The following NUDCD1 variants were observed in gnomAD, a reference collection of about 807,000 sequenced individuals.
NUDCD1 encodes nudC domain-containing protein 1.
Under a neutral mutation model 67.8 loss-of-function variants are expected in NUDCD1, and 60 were observed. That is an observed-to-expected ratio of 0.88 (90% confidence interval 0.72 to 1.10). The LOEUF is 1.10. NUDCD1 is among the 50% of genes least tolerant of loss of function. The probability of loss-of-function intolerance (pLI) is 0.00; values close to 1 mark genes in which losing one functional copy is unlikely to be tolerated. For synonymous variants in NUDCD1, 244 were observed against 230.8 expected (o/e 1.06, Z -0.52); for missense variants, 643 against 695.0 (o/e 0.93, Z 0.84).
chr8:109,255,684 A>G (rs1172754409), intron 8 of NUDCD1, among the ~76,000 whole-genome samples: 1 of 151,864 alleles, frequency 6.6e-6, no homozygotes, highest in Non-Finnish European at 1.5e-5. Flanking sequence ...CACAGAAAAA[A>G]AAAAAAAAGA....
chr8:109,329,028 G>A (rs894979556), intron 1 of NUDCD1, among the ~76,000 whole-genome samples: 7 of 151,842 alleles, frequency 4.6e-5, no homozygotes, highest in African/African-American at 1.5e-4. Context: ...GTAAGTAGAA[G>A]CAAGAAAGAT....
At chr8:109,262,104 A>G (rs1340021514) in intron 8 of NUDCD1, among the ~76,000 whole-genome samples, 2 of 152,238 alleles carry the variant, frequency 1.3e-5, no homozygotes, top group African/African-American at 2.4e-5. Context: ...AAAGGAATCT[A>G]CCAAGAAAAA....
intron 3 of NUDCD1, among the ~76,000 whole-genome samples, chr8:109,294,241 A>G (rs1404200498): frequency 6.6e-6 from 1 of 152,018 alleles, no homozygotes; most frequent in Non-Finnish European, 1.5e-5. Flanking sequence ...AACAAAAACA[A>G]AAAACAAAAA....
chr8:109,279,505 A>T (rs1450533903), intron 6 of NUDCD1, among the ~76,000 whole-genome samples: 1 of 152,174 alleles, frequency 6.6e-6, no homozygotes, highest in Admixed American at 6.5e-5. Flanking sequence ...TTGGTTTAAG[A>T]TGAATACTGT....
chr8:109,263,602 C>T (rs2926199), intron 8 of NUDCD1, among the ~76,000 whole-genome samples: 54,815 of 151,956 alleles, frequency 0.36, 10,715 homozygotes, highest in South Asian at 0.5. Context: ...CAGTTCTTGA[C>T]GTAACTATTA....
At chr8:109,288,580 ATATT>A in intron 5 of NUDCD1, among the ~76,000 whole-genome samples, 1 of 152,338 alleles carries the variant, frequency 6.6e-6, no homozygotes, top group East Asian at 1.9e-4. Context: ...AGAGGTGCAT[ATATT>A]TATAAACCTG....
chr8:109,278,746 A>G (rs1487409155), intron 6 of NUDCD1, among the ~76,000 whole-genome samples: 1 of 152,274 alleles, frequency 6.6e-6, no homozygotes, highest in Non-Finnish European at 1.5e-5. Context: ...ATTACAGAGT[A>G]ACATTCCATT....
rs139858487 is a variant in NUDCD1, at chr8:109,272,893, A to T, written c.1174-1763T>A. On this transcript the variant is annotated intron_variant, in intron 7 of 9. Transcript: ENST00000239690. Reference sequence around the variant, plus strand: ...AACAATCTCCTGGTTAGTTGATGCCATTGTGCACAGTGACTCAAGGAGATA... The same window carrying T: ...AACAATCTCCTGGTTAGTTGATGCCTTTGTGCACAGTGACTCAAGGAGATA... Among the ~76,000 whole-genome samples, 271 of 152,270 alleles carry T rather than the reference A, an allele frequency of 1.8e-3. 1 individual carries two copies. Among genetic ancestry groups the T allele is most frequent in the African/African-American group, 6.3e-3 (261 of 41,570 alleles).
chr8:109,274,295 C>T (rs536597004), intron 7 of NUDCD1, among the ~76,000 whole-genome samples: 1 of 152,268 alleles, frequency 6.6e-6, no homozygotes, highest in South Asian at 2.1e-4. Flanking sequence ...AACAAACACA[C>T]TGGTGTTCAG....
intron 8 of NUDCD1, among the ~76,000 whole-genome samples, chr8:109,263,358 G>C (rs1322187413): frequency 6.6e-6 from 1 of 152,152 alleles, no homozygotes; most frequent in African/African-American, 2.4e-5. Context: ...CTAAGCTCAA[G>C]TTTTCTCTCC....
chr8:109,242,971 T>C lies in NUDCD1; in HGVS notation c.*38A>G, dbSNP rs1813402167. 2 of 1,393,256 alleles carry C rather than the reference T, an allele frequency of 1.4e-6. No individual in the cohort carries two copies. The highest frequency in any genetic ancestry group is 1.4e-5 in the African/African-American group (1 of 70,300). 86.3% of individuals were successfully genotyped at this position (1,393,256 alleles called of 1,614,324 possible). A position where few individuals can be genotyped will look rare whatever the true frequency, so the allele number is the denominator to read the frequency against. ...GTCCAGACCTCCAGGTACCACTGAA[T>C]ACTTTTCCAGTACAAAGAGGCCAAT... On this transcript the variant is annotated 3_prime_UTR_variant, in exon 10 of 10. Transcript: ENST00000239690.
intron 1 of NUDCD1, among the ~76,000 whole-genome samples, chr8:109,330,459 T>C (rs1460203054): frequency 6.6e-6 from 1 of 152,186 alleles, no homozygotes; most frequent in African/African-American, 2.4e-5. Flanking sequence ...GCGCCTCAAT[T>C]ATGCTTCACT....
In NUDCD1 at chr8:109,293,347, G is replaced by A; in HGVS notation, c.637C>T (p.Gln213Ter). 1 of 1,531,470 alleles carries A rather than the reference G, an allele frequency of 6.5e-7. No homozygotes were observed. The highest frequency in any genetic ancestry group is 1.4e-5 in the African/African-American group (1 of 70,684). The allele number at this position is 1,531,470 out of a possible 1,614,324, so 94.9% of individuals were successfully genotyped here. Residue 213 changes from glutamine (Q) to a stop codon, truncating the protein, a stop_gained, in exon 4 of 10, where the codon CAA (glutamine) becomes TAA (stop). Coordinates refer to ENST00000239690, the MANE Select transcript of NUDCD1 (RefSeq NM_032869.4). LOFTEE classifies it high-confidence loss of function. ...LEWVTISKKN[Q>*]DNKKYEIIKR... ...CAGATTCAGACTTTTGTTTTACCTTGATTTTTCTTACTGATAGTGACCCAC... is the reference window on the plus strand; with the variant it reads ...CAGATTCAGACTTTTGTTTTACCTTAATTTTTCTTACTGATAGTGACCCAC...
intron 4 of NUDCD1, among the ~76,000 whole-genome samples, chr8:109,291,598 TAAAAAG>T (rs143986144): frequency 0.12 from 18,794 of 151,590 alleles, 1,523 homozygotes; most frequent in Middle Eastern, 0.21. Flanking sequence ...TTCTGTTAAC[TAAAAAG>T]AAAAAGAAGA....
chr8:109,303,554 C>G (rs548295488), intron 2 of NUDCD1, among the ~76,000 whole-genome samples: 3 of 152,072 alleles, frequency 2.0e-5, no homozygotes, highest in African/African-American at 4.8e-5. Flanking sequence ...TCACCTGCCC[C>G]GCTCCCTTAT....
intron 7 of NUDCD1, among the ~76,000 whole-genome samples, chr8:109,271,390 G>T (rs1814153910): frequency 6.6e-6 from 1 of 152,154 alleles, no homozygotes; most frequent in Non-Finnish European, 1.5e-5. Context: ...AGAGAGAGAT[G>T]AAAGAACCAC....
chr8:109,243,526 A>G (rs1813424745), intron 9 of NUDCD1, among the ~76,000 whole-genome samples: 5 of 152,184 alleles, frequency 3.3e-5, no homozygotes, highest in Non-Finnish European at 1.5e-5. Flanking sequence ...CAAAACAGAT[A>G]TGGCTTTCTC....
At chr8:109,331,469 T>A (rs1815804106) in intron 1 of NUDCD1, among the ~76,000 whole-genome samples, 1 of 131,006 alleles carries the variant, frequency 7.6e-6, no homozygotes, top group Non-Finnish European at 1.5e-5. Flanking sequence ...TGAGACGAGA[T>A]CACACTACTA....
intron 4 of NUDCD1, among the ~76,000 whole-genome samples, chr8:109,291,106 G>A (rs532292210): frequency 3.9e-5 from 6 of 152,220 alleles, no homozygotes; most frequent in South Asian, 4.2e-4. Context: ...CTCAAAAACC[G>A]GATTCCGTGG....
Sources: gnomAD v4.1 joint callset for allele counts (sites outside exome capture counted in the v4.1 genomes callset) on GRCh38, gnomAD v4.1.1 for gene constraint, MANE v1.5 for transcripts, NCBI Gene and HGNC (gene_info 2026-07-23, HGNC 2026-07-21) for gene names.